The following ZFPM1 variants were observed in gnomAD, a reference collection of about 807,000 sequenced individuals.
ZFPM1 encodes the protein zinc finger protein, FOG family member 1.
A neutral mutation model predicts 46.3 loss-of-function variants in ZFPM1; 28 were observed. The ratio of observed to expected loss-of-function variants is 0.60; its 90% CI spans 0.45 to 0.83. The LOEUF (loss-of-function observed/expected upper bound fraction) is 0.83, where lower values mean the gene tolerates loss of function less well. ZFPM1 is among the 40% of genes least tolerant of loss of function. The pLI is 0.00. For synonymous variants in ZFPM1, 957 were observed against 675.9 expected (o/e 1.42, Z -6.45); for missense variants, 1,878 against 1,432.4 (o/e 1.31, Z -5.02).
chr16:88,516,352 G>T, intron 4 of ZFPM1: 2 of 397,740 alleles, frequency 5.0e-6, no homozygotes, highest in East Asian at 7.1e-5. Context: ...CTGGCCTAGG[G>T]CACAGGCCAT....
At chr16:88,490,254 G>A (rs934393001) in intron 3 of ZFPM1, among the ~76,000 whole-genome samples, 28 of 152,172 alleles carry the variant, frequency 1.8e-4, no homozygotes, top group Middle Eastern at 3.4e-3. Flanking sequence ...GGGTTTCACC[G>A]TGTTAGCCAG....
At chr16:88,491,174 C>T (rs567086381) in intron 3 of ZFPM1, among the ~76,000 whole-genome samples, 74 of 152,322 alleles carry the variant, frequency 4.9e-4, no homozygotes, top group Admixed American at 2.6e-3. Context: ...GGCCTTTTCA[C>T]TTGCAGGGCA....
chr16:88,493,619 ACAGAGAGCTGTCCCGGGGTG>A (rs1567537792), intron 3 of ZFPM1, among the ~76,000 whole-genome samples: 7 of 61,188 alleles, frequency 1.1e-4, no homozygotes, highest in South Asian at 5.9e-4. Context: ...GTCCCGGGGT[ACAGAGAGCTGTCCCGGGGTG>A]CGGTGAGCTG....
At position 88,523,008 on chromosome 16, in the gene ZFPM1, C is replaced by G. The variant is rs112582555; in HGVS notation, c.403-3806C>G. Among the ~76,000 whole-genome samples, 960 of 152,258 alleles carry G rather than the reference C, an allele frequency of 6.3e-3. 8 individuals are homozygous for G. Among genetic ancestry groups the G allele is most frequent in the African/African-American group, 0.022 (919 of 41,546 alleles). On this transcript the variant is annotated intron_variant, in intron 4 of 9. Transcript: ENST00000319555. The stretch of plus-strand genomic sequence containing the variant: ...ATCACCTGAGGTCAGCAGTTCAAGA[C>G]CAGTCTGCCCAACATAGTGAAACCC...
chr16:88,528,942 A>G (rs8046511), intron 6 of ZFPM1, among the ~76,000 whole-genome samples: 2,456 of 152,274 alleles, frequency 0.016, 74 homozygotes, highest in African/African-American at 0.057. Flanking sequence ...CCACTCTTGC[A>G]GTGGCTCTCT....
intron 3 of ZFPM1, among the ~76,000 whole-genome samples, chr16:88,492,823 C>T (rs1209823590): frequency 6.6e-6 from 1 of 152,188 alleles, no homozygotes; most frequent in African/African-American, 2.4e-5. Flanking sequence ...AGGAGGCCTC[C>T]CAGCCCCTCT....
At position 88,533,993 on chromosome 16, in the gene ZFPM1, G is replaced by C; in HGVS notation, c.2035G>C (p.Asp679His). The C allele has an allele frequency of 2.9e-6, 4 of 1,358,786 alleles. No individual in the cohort carries two copies. Among genetic ancestry groups the C allele is most frequent in the Non-Finnish European group, 3.8e-6 (4 of 1,040,120 alleles). 84.2% of individuals were successfully genotyped at this position (1,358,786 alleles called of 1,614,324 possible). A position where few individuals can be genotyped will look rare whatever the true frequency, so the allele number is the denominator to read the frequency against. ...TAGCTCCGTGGACGACGCGGAGGAC[G>C]ACCCCAGCCGCACGCTGTGCGAGGC... ...PGSSVDDAED[D>H]PSRTLCEACN... is the part of the protein sequence containing the mutation. Residue 679 changes from aspartate to histidine, a missense_variant, in exon 10 of 10, where the codon GAC (aspartate) becomes CAC (histidine). Transcript: ENST00000319555.
chr16:88,510,987 G>A (rs1910927098), intron 3 of ZFPM1, among the ~76,000 whole-genome samples: 1 of 152,122 alleles, frequency 6.6e-6, no homozygotes, highest in African/African-American at 2.4e-5. Context: ...TGGGTTTTTG[G>A]GAGCCACAGC....
At chr16:88,483,975 G>A (rs1173557644) in intron 1 of ZFPM1, among the ~76,000 whole-genome samples, 3 of 152,202 alleles carry the variant, frequency 2.0e-5, no homozygotes, top group Non-Finnish European at 4.4e-5. Flanking sequence ...TCTGACATGA[G>A]CCTCTGAACC....
intron 1 of ZFPM1, among the ~76,000 whole-genome samples, chr16:88,458,447 C>T (rs993769151): frequency 5.9e-5 from 9 of 152,240 alleles, no homozygotes; most frequent in African/African-American, 2.2e-4. Flanking sequence ...GTGTGGCATC[C>T]AGCACCACTG....
rs1226053119 is a variant in ZFPM1 at position 88,526,831 on chromosome 16, G to C, written c.420G>C (p.Leu140=). 6 of 1,477,008 alleles carry C rather than the reference G, an allele frequency of 4.1e-6. No individual in the cohort carries two copies. The African/African-American group carries it at 7.1e-5, about 17-fold the overall frequency. 91.5% of individuals were successfully genotyped at this position (1,477,008 alleles called of 1,614,324 possible). ...RQAEPSPALT[L]LLVDEACWLR... ...CCCCCCAGAGCCCAGCCCTGACCCT[G>C]CTGCTGGTGGACGAGGCCTGCTGGC... The change falls in exon 5 of 10, where the codon CTG becomes CTC. Residue 140 remains leucine (L), a synonymous_variant. Coordinates refer to ENST00000319555, the MANE Select transcript of ZFPM1 (RefSeq NM_153813.3).
intron 4 of ZFPM1, among the ~76,000 whole-genome samples, chr16:88,523,725 G>A (rs1912081739): frequency 1.3e-5 from 2 of 152,198 alleles, no homozygotes; most frequent in Non-Finnish European, 2.9e-5. Flanking sequence ...GAGAGTGTTT[G>A]GCAGTGGGGG....
Position 88,514,437 on chromosome 16 carries a change from C to T in ZFPM1, c.319C>T (p.Leu107Phe), listed in dbSNP as rs1201210994. Residue 107 changes from leucine to phenylalanine, a missense_variant, in exon 4 of 10, where the codon CTC becomes TTC. Transcript: ENST00000319555. The stretch of plus-strand genomic sequence containing the variant: ...TGGGCAGAGGCGCATACGGGCCCGA[C>T]TCAGCCTCGCCACGGGCCTGTCCTG... ...QDGQRRIRARLSLATGLSWGP... is the reference protein window; with the variant it reads ...QDGQRRIRARFSLATGLSWGP... 1.9e-6 allele frequency: 3 copies of T among 1,558,304 alleles called. No homozygotes were observed. The highest frequency in any genetic ancestry group is 2.6e-6 in the Non-Finnish European group (3 of 1,151,366).
At chr16:88,482,671 T>G (rs899287123) in intron 1 of ZFPM1, among the ~76,000 whole-genome samples, 1 of 152,106 alleles carries the variant, frequency 6.6e-6, no homozygotes, top group Non-Finnish European at 1.5e-5. Context: ...GTCCCCGAAG[T>G]CCCTGAAGGC....
Position 88,534,984 on chromosome 16 carries a change from C to T in ZFPM1, c.*5C>T. 1 of 1,420,510 alleles carries T rather than the reference C, an allele frequency of 7.0e-7. No individual in the cohort carries two copies. The highest frequency in any genetic ancestry group is 9.3e-7 in the Non-Finnish European group (1 of 1,072,248). 88.0% of individuals were successfully genotyped at this position (1,420,510 alleles called of 1,614,324 possible). A position where few individuals can be genotyped will look rare whatever the true frequency, so the allele number is the denominator to read the frequency against. ...GCCGCCGAGCACGTGAAGTGAGCGC[C>T]CACACTACAGCCGCAGACGCTTTGC... On this transcript the variant is annotated 3_prime_UTR_variant, in exon 10 of 10. Coordinates refer to ENST00000319555, the MANE Select transcript of ZFPM1 (RefSeq NM_153813.3).
chr16:88,488,038 C>T (rs571183448), intron 2 of ZFPM1, among the ~76,000 whole-genome samples: 14 of 152,322 alleles, frequency 9.2e-5, no homozygotes, highest in African/African-American at 2.4e-4. Flanking sequence ...GCGGAGCCTC[C>T]GTTACTGCAC....
In ZFPM1 at chr16:88,489,163, C is replaced by G; in HGVS notation, c.268+10C>G. ...CCCTGGAGCGGGCCAGGTAACCACG[C>G]GGGTGGTGGGGGCAGCAGCATCGCC... On this transcript the variant is annotated intron_variant, in intron 3 of 9. Coordinates refer to ENST00000319555, the MANE Select transcript of ZFPM1 (RefSeq NM_153813.3). The G allele has an allele frequency of 6.3e-7, 1 of 1,589,114 alleles. No homozygotes were observed. The highest frequency in any genetic ancestry group is 8.6e-7 in the Non-Finnish European group (1 of 1,168,412).
At chr16:88,473,104 T>C (rs1908502644) in intron 1 of ZFPM1, among the ~76,000 whole-genome samples, 1 of 152,178 alleles carries the variant, frequency 6.6e-6, no homozygotes. Flanking sequence ...GAGCAGTTGC[T>C]TTGCTGCCTG....
intron 3 of ZFPM1, among the ~76,000 whole-genome samples, chr16:88,495,065 C>T (rs1317508275): frequency 1.3e-5 from 2 of 152,234 alleles, no homozygotes; most frequent in South Asian, 2.1e-4. Flanking sequence ...CCTGCAGGCC[C>T]GTCCCATCGT....
Sources: gnomAD v4.1 joint callset for allele counts (sites outside exome capture counted in the v4.1 genomes callset) on GRCh38, gnomAD v4.1.1 for gene constraint, MANE v1.5 for transcripts, NCBI Gene and HGNC (gene_info 2026-07-23, HGNC 2026-07-21) for gene names.